The following HNRNPA1L2 variants were observed in gnomAD, a reference collection of about 807,000 sequenced individuals.
The protein encoded by HNRNPA1L2 is heterogeneous nuclear ribonucleoprotein A1 like 2.
HNRNPA1L2 carries 10 observed loss-of-function variants against 18.2 expected under a neutral mutation model. The ratio of observed to expected loss-of-function variants is 0.55; its 90% CI spans 0.34 to 0.93. The LOEUF is 0.93. Among genes scored for constraint, HNRNPA1L2 ranks in the 40% least tolerant of loss-of-function variants. HNRNPA1L2 has a pLI of 0.02. For missense variants in HNRNPA1L2, 308 were observed against 394.4 expected (o/e 0.78, Z 1.85); for synonymous variants, 124 against 138.6 (o/e 0.89, Z 0.74).
upstream of HNRNPA1L2, among the ~76,000 whole-genome samples, chr13:52,639,373 C>T (rs1468242435): frequency 2.6e-5 from 4 of 152,152 alleles, no homozygotes; most frequent in East Asian, 1.9e-4. Flanking sequence ...TTTTTACTTA[C>T]GATATCTTCC....
upstream of HNRNPA1L2, among the ~76,000 whole-genome samples, chr13:52,637,714 G>A (rs1961508722): frequency 6.6e-6 from 1 of 152,166 alleles, no homozygotes; most frequent in Non-Finnish European, 1.5e-5. Context: ...ATTTCAGGAA[G>A]TCAGGGTAAT....
At chr13:52,625,943 AT>A in the HNRNPA1L2 span, among the ~76,000 whole-genome samples, 34 of 146,662 alleles carry the variant, frequency 2.3e-4, no homozygotes, top group Admixed American at 2.7e-4. Context: ...CTCCTGGCTA[AT>A]TTTTTTTTTT....
chr13:52,627,569 A>G, the HNRNPA1L2 span: 3 of 153,188 alleles, frequency 2.0e-5, no homozygotes, highest in African/African-American at 7.2e-5. Flanking sequence ...ATGGAGAGAG[A>G]CCTAGTTAGG....
At chr13:52,621,454 T>A in the HNRNPA1L2 span, among the ~76,000 whole-genome samples, 1 of 152,118 alleles carries the variant, frequency 6.6e-6, no homozygotes, top group South Asian at 2.1e-4. Flanking sequence ...TTTAAAGAGG[T>A]GTTATGTTAA....
the HNRNPA1L2 span, among the ~76,000 whole-genome samples, chr13:52,624,286 G>A: frequency 6.6e-6 from 1 of 152,034 alleles, no homozygotes; most frequent in Admixed American, 6.5e-5. Context: ...GCAAATTTTT[G>A]TATTTTTAGT....
At chr13:52,631,352 A>C in the HNRNPA1L2 span, among the ~76,000 whole-genome samples, 3 of 152,172 alleles carry the variant, frequency 2.0e-5, no homozygotes, top group African/African-American at 7.2e-5. Context: ...ACCACGTATA[A>C]ACTCTCTGGT....
chr13:52,640,943 G>A (rs937404199), upstream of HNRNPA1L2: 3 of 152,124 alleles, frequency 2.0e-5, no homozygotes, highest in Non-Finnish European at 4.4e-5. Flanking sequence ...ATGCAGCCCA[G>A]GTAATTTACC....
At chr13:52,631,450 C>T in the HNRNPA1L2 span, among the ~76,000 whole-genome samples, 1 of 152,198 alleles carries the variant, frequency 6.6e-6, no homozygotes, top group African/African-American at 2.4e-5. Context: ...GGCATTTCCT[C>T]TCTGCCGTGA....
In HNRNPA1L2 at chr13:52,643,202, A is replaced by G. The variant is rs1961725840; in HGVS notation, c.710A>G (p.Tyr237Cys). The G allele has an allele frequency of 1.9e-6, 3 of 1,597,520 alleles. No homozygotes were observed. Among genetic ancestry groups the G allele is most frequent in the African/African-American group, 2.7e-5 (2 of 74,850 alleles). Residue 237 changes from tyrosine to cysteine, a missense_variant, in exon 1 of 1, where the codon TAT becomes TGT. Physicochemically the swap from Tyr to Cys is radical, Grantham distance 194. Coordinates refer to ENST00000357495, the MANE Select transcript of HNRNPA1L2 (RefSeq NM_001389320.1). ...GFGGSCGGGGYGGSGDGYNGF... is the reference protein window; with the variant it reads ...GFGGSCGGGGCGGSGDGYNGF... Reference sequence around the variant, plus strand: ...GGTGGCAGCTGTGGTGGTGGTGGATATGGTGGCAGTGGGGATGGCTATAAT... The same window carrying G: ...GGTGGCAGCTGTGGTGGTGGTGGATGTGGTGGCAGTGGGGATGGCTATAAT...
chr13:52,639,627 C>A (rs13378724), upstream of HNRNPA1L2, among the ~76,000 whole-genome samples: 2 of 145,516 alleles, frequency 1.4e-5, no homozygotes, highest in Non-Finnish European at 1.5e-5. Flanking sequence ...TTTAACAGTT[C>A]TACAGTGGCC....
the HNRNPA1L2 span, among the ~76,000 whole-genome samples, chr13:52,635,737 C>G: frequency 6.6e-6 from 1 of 151,952 alleles, no homozygotes; most frequent in African/African-American, 2.4e-5. Context: ...GCTTGTTTCA[C>G]TCAGCTAATG....
chr13:52,637,619 T>C (rs1013159070), upstream of HNRNPA1L2, among the ~76,000 whole-genome samples: 1 of 152,214 alleles, frequency 6.6e-6, no homozygotes, highest in Non-Finnish European at 1.5e-5. Flanking sequence ...TAGAATTTTA[T>C]GAAATTCAAA....
chr13:52,627,910 A>C, the HNRNPA1L2 span, among the ~76,000 whole-genome samples: 7 of 152,086 alleles, frequency 4.6e-5, no homozygotes, highest in African/African-American at 1.7e-4. Flanking sequence ...TTTCAGTTAA[A>C]TAGCTTGCTG....
At chr13:52,635,515 C>T in the HNRNPA1L2 span, among the ~76,000 whole-genome samples, 1 of 151,354 alleles carries the variant, frequency 6.6e-6, no homozygotes, top group African/African-American at 2.4e-5. Context: ...CTAGTTTTGA[C>T]AAATAGATAC....
the HNRNPA1L2 span, among the ~76,000 whole-genome samples, chr13:52,630,808 T>C: frequency 6.6e-6 from 1 of 152,220 alleles, no homozygotes; most frequent in East Asian, 1.9e-4. Context: ...TTAGTATCTG[T>C]TACATATTAT....
the HNRNPA1L2 span, among the ~76,000 whole-genome samples, chr13:52,624,996 A>G: frequency 6.6e-6 from 1 of 152,066 alleles, no homozygotes; most frequent in Non-Finnish European, 1.5e-5. Context: ...GTGCCAGTGC[A>G]CTCCAGCATG....
chr13:52,626,739 A>G, the HNRNPA1L2 span, among the ~76,000 whole-genome samples: 1 of 152,198 alleles, frequency 6.6e-6, no homozygotes, highest in African/African-American at 2.4e-5. Context: ...AAAGTGTACA[A>G]ATCTTAGCTG....
upstream of HNRNPA1L2, chr13:52,641,489 T>C (rs183519654): frequency 6.6e-6 from 1 of 152,344 alleles, no homozygotes; most frequent in African/African-American, 2.4e-5. Context: ...CTATCCTGCT[T>C]CTGTAATATT....
the HNRNPA1L2 span, among the ~76,000 whole-genome samples, chr13:52,629,854 C>T: frequency 6.6e-6 from 1 of 152,142 alleles, no homozygotes; most frequent in African/African-American, 2.4e-5. Context: ...ATTTAGAGGG[C>T]CGAGGCAGGC....
Sources: allele counts gnomAD v4.1 joint callset (sites outside exome capture counted in the v4.1 genomes callset), GRCh38; gene constraint gnomAD v4.1.1; transcripts MANE v1.5; gene names NCBI Gene and HGNC (gene_info 2026-07-23, HGNC 2026-07-21).